ADGRG6: variants seen among roughly 807,000 people sequenced by gnomAD.
ADGRG6 encodes the protein adhesion G protein-coupled receptor G6, also known as G-protein coupled receptor 126.
ADGRG6 carries 84 observed loss-of-function variants against 142.4 expected under a neutral mutation model. That is an observed-to-expected ratio of 0.59 (90% CI 0.49 to 0.71). ADGRG6 has a LOEUF of 0.71. Among genes scored for constraint, ADGRG6 ranks in the 30% least tolerant of loss-of-function variants. The pLI, the probability that ADGRG6 is intolerant of heterozygous loss-of-function variation, is 0.00. For missense variants in ADGRG6, 1,367 were observed against 1,466.6 expected, an observed-to-expected ratio of 0.93 and a Z score of 1.11; for synonymous variants, 521 against 520.5, an observed-to-expected ratio of 1.00 and a Z score of -0.01.
intron 2 of ADGRG6, among the ~76,000 whole-genome samples, chr6:142,341,461 TATATAATA>T (rs1779624996): frequency 6.7e-5 from 8 of 118,858 alleles, no homozygotes; most frequent in African/African-American, 2.3e-4. Flanking sequence ...ATATATAGTA[TATATAATA>T]TTATGTAGTA....
chr6:142,380,470 T>C (rs540454276), intron 4 of ADGRG6, among the ~76,000 whole-genome samples: 3 of 152,190 alleles, frequency 2.0e-5, no homozygotes, highest in Non-Finnish European at 4.4e-5. Context: ...CTAGTGCTCA[T>C]GGTGTTGCTA....
At chr6:142,323,420 C>T (rs538008501) in intron 2 of ADGRG6, among the ~76,000 whole-genome samples, 7 of 151,950 alleles carry the variant, frequency 4.6e-5, no homozygotes, top group Non-Finnish European at 1.0e-4. Context: ...TAGTTTTATA[C>T]ATTTAGATTA....
intron 14 of ADGRG6, chr6:142,404,191 T>C (rs1583101674): frequency 1.9e-6 from 1 of 516,552 alleles, no homozygotes; most frequent in East Asian, 3.6e-5. Flanking sequence ...TCAGCTTACC[T>C]TCTACAAGAG....
At chr6:142,343,294 C>G (rs919278010) in intron 2 of ADGRG6, among the ~76,000 whole-genome samples, 8 of 151,370 alleles carry the variant, frequency 5.3e-5, no homozygotes, top group Non-Finnish European at 1.0e-4. Flanking sequence ...AATAACCTAT[C>G]TAAAAAATTC....
intron 2 of ADGRG6, among the ~76,000 whole-genome samples, chr6:142,334,043 A>G (rs180906253): frequency 1.3e-5 from 2 of 152,170 alleles, no homozygotes; most frequent in Non-Finnish European, 2.9e-5. Flanking sequence ...TGTCTGAAGG[A>G]AGAAAGTCGG....
intron 7 of ADGRG6, among the ~76,000 whole-genome samples, chr6:142,391,365 A>G (rs1252568856): frequency 6.6e-6 from 1 of 151,354 alleles, no homozygotes; most frequent in Non-Finnish European, 1.5e-5. Context: ...GTTTTCATAT[A>G]TATTTGGTGT....
intron 16 of ADGRG6, 62 bp downstream of exon 16, chr6:142,408,331 C>CT (rs1175074363): frequency 6.3e-6 from 8 of 1,279,104 alleles, no homozygotes; most frequent in Non-Finnish European, 7.5e-6. Context: ...CTAGTGGGGC[C>CT]TTTTTTTCTA....
At chr6:142,308,492 C>T (rs1777609207) in intron 1 of ADGRG6, among the ~76,000 whole-genome samples, 1 of 152,090 alleles carries the variant, frequency 6.6e-6, no homozygotes, top group South Asian at 2.1e-4. Flanking sequence ...TAGTATTACA[C>T]ATTTTACTCA....
chr6:142,437,541 G>C lies in ADGRG6; in HGVS notation c.3421+6G>C. ...TCGGTTAGCAGATAACTCAGGTAAA[G>C]AGTTGTTGATTAAATTTTACATCTA... On this transcript the variant is annotated splice_donor_region_variant and intron_variant, in intron 23 of 24. Coordinates refer to ENST00000367609, the MANE Select transcript of ADGRG6 (RefSeq NM_198569.3). The C allele has an allele frequency of 7.6e-7, 1 of 1,313,032 alleles. No individual in the cohort carries two copies. The highest frequency in any genetic ancestry group is 1.1e-6 in the Non-Finnish European group (1 of 905,938). 81.3% of individuals were successfully genotyped at this position (1,313,032 alleles called of 1,614,324 possible).
intron 2 of ADGRG6, among the ~76,000 whole-genome samples, chr6:142,356,609 G>A (rs1173137454): frequency 6.6e-6 from 1 of 152,106 alleles, no homozygotes. Context: ...AAACTTTTTT[G>A]TAGTAAAGGG....
intron 1 of ADGRG6, among the ~76,000 whole-genome samples, chr6:142,304,927 T>C (rs1212840134): frequency 6.6e-6 from 1 of 152,202 alleles, no homozygotes; most frequent in Non-Finnish European, 1.5e-5. Context: ...GTCATGTTAC[T>C]TTCCATTATA....
intron 2 of ADGRG6, among the ~76,000 whole-genome samples, chr6:142,338,177 C>T (rs994355782): frequency 4.6e-5 from 7 of 151,328 alleles, no homozygotes; most frequent in African/African-American, 1.2e-4. Flanking sequence ...CCTGCCACTA[C>T]GCCCGGCTAA....
At chr6:142,414,826 G>A in intron 18 of ADGRG6, 143 bp from the exon 19 acceptor site, 1 of 472,134 alleles carries the variant, frequency 2.1e-6, no homozygotes, top group Non-Finnish European at 3.6e-6. Context: ...ATAATAAATG[G>A]AAATTTTAAT....
chr6:142,323,276 T>G (rs1778606871), intron 2 of ADGRG6, among the ~76,000 whole-genome samples: 2 of 152,080 alleles, frequency 1.3e-5, no homozygotes, highest in Non-Finnish European at 2.9e-5. Flanking sequence ...GTATCCTTAT[T>G]GGATGGATAA....
chr6:142,350,693 GT>G (rs995058447), intron 2 of ADGRG6, among the ~76,000 whole-genome samples: 6 of 152,156 alleles, frequency 3.9e-5, no homozygotes, highest in African/African-American at 1.4e-4. Flanking sequence ...GTGGAATTCA[GT>G]TTAACTTTTA....
rs115754911 is a variant in ADGRG6 at position 142,323,856 on chromosome 6, G to A, written c.103+14212G>A. 4.5e-3 allele frequency among the ~76,000 whole-genome samples: 678 copies of A among 152,168 alleles called. 5 individuals carry two copies. The highest frequency in any genetic ancestry group is 0.015 in the African/African-American group (639 of 41,522). On this transcript the variant is annotated intron_variant, in intron 2 of 24. Transcript: ENST00000367609. ...TATTTGGTCTGTCGTTGACTGAAAC[G>A]TTGTTATGGGGTGCATGGCTGTATA...
In ADGRG6 at chr6:142,309,025, A is replaced by G. The variant is rs115939775; in HGVS notation, c.3-519A>G. Among the ~76,000 whole-genome samples the G allele has an allele frequency of 8.8e-3, 1,335 of 151,904 alleles. 18 individuals are homozygous for G. The highest frequency in any genetic ancestry group is 0.03 in the African/African-American group (1,240 of 41,510). On this transcript the variant is annotated intron_variant, in intron 1 of 24. Transcript: ENST00000367609. ...AGACTTCACCTTTTTTGGAATGTTA[A>G]TGCTTCAATGTATCACTTTAGGGGA... is the stretch of plus-strand genomic sequence containing the variant.
At chr6:142,400,738 C>T (rs1775473436) in intron 11 of ADGRG6, 142 bp downstream of exon 11, 1 of 581,778 alleles carries the variant, frequency 1.7e-6, no homozygotes, top group Non-Finnish European at 3.1e-6. Context: ...ATCATTCACT[C>T]CTGGGGAATA....
At chr6:142,322,460 C>T (rs1778564281) in intron 2 of ADGRG6, among the ~76,000 whole-genome samples, 1 of 152,016 alleles carries the variant, frequency 6.6e-6, no homozygotes, top group Admixed American at 6.6e-5. Context: ...AAGATATAAA[C>T]TTCGCTTAGG....
Sources: gnomAD v4.1 joint callset for allele counts (sites outside exome capture counted in the v4.1 genomes callset) on GRCh38, gnomAD v4.1.1 for gene constraint, MANE v1.5 for transcripts, NCBI Gene and HGNC (gene_info 2026-07-23, HGNC 2026-07-21) for gene names.